CSMD1: variants seen among roughly 807,000 people sequenced by gnomAD.
CSMD1 encodes the protein CUB and Sushi multiple domains 1.
In CSMD1, 213 loss-of-function variants were observed where a neutral mutation model predicts 417.5. The observed-to-expected ratio is 0.51, with a 90% CI of 0.46 to 0.57. The LOEUF (loss-of-function observed/expected upper bound fraction) is 0.57. Among genes scored for constraint, CSMD1 ranks in the 20% least tolerant of loss-of-function variants. The pLI, the probability that CSMD1 is intolerant of heterozygous loss-of-function variation, is 0.00. For synonymous variants in CSMD1, 2,862 were observed against 1,736.8 expected, an observed-to-expected ratio of 1.65 and a Z score of -16.11; for missense variants, 6,923 against 4,529.7, an observed-to-expected ratio of 1.53 and a Z score of -15.17.
At chr8:4,436,129 A>G (rs772897304) in intron 2 of CSMD1, among the ~76,000 whole-genome samples, 1 of 152,190 alleles carries the variant, frequency 6.6e-6, no homozygotes, top group African/African-American at 2.4e-5. Flanking sequence ...TCATTTCAGC[A>G]TAAAAAATAG....
At chr8:4,050,413 T>G (rs1424237052) in intron 3 of CSMD1, among the ~76,000 whole-genome samples, 2 of 152,144 alleles carry the variant, frequency 1.3e-5, no homozygotes, top group African/African-American at 4.8e-5. Flanking sequence ...AAATTTTATT[T>G]AATTTTTGTT....
chr8:4,207,381 C>G (rs1206242709), intron 3 of CSMD1, among the ~76,000 whole-genome samples: 1 of 152,090 alleles, frequency 6.6e-6, no homozygotes, highest in African/African-American at 2.4e-5. Context: ...TAAATTCACA[C>G]ACTCATGGAA....
intron 12 of CSMD1, among the ~76,000 whole-genome samples, chr8:3,426,951 G>T (rs1270489891): frequency 1.3e-5 from 2 of 152,184 alleles, no homozygotes; most frequent in African/African-American, 2.4e-5. Flanking sequence ...GTGGTGGAAG[G>T]TAAAGGGGAA....
intron 18 of CSMD1, among the ~76,000 whole-genome samples, chr8:3,384,812 AATAT>A (rs1220703458): frequency 8.2e-6 from 1 of 122,506 alleles, no homozygotes; most frequent in Non-Finnish European, 1.6e-5. Context: ...TTTATATATA[AATAT>A]ATAATTAAAT....
At chr8:3,211,602 A>T (rs1271936631) in intron 30 of CSMD1, among the ~76,000 whole-genome samples, 1 of 152,178 alleles carries the variant, frequency 6.6e-6, no homozygotes, top group Non-Finnish European at 1.5e-5. Flanking sequence ...TTATCCTCCT[A>T]ACACTTGTGA....
chr8:3,972,826 C>G (rs1585057295), intron 5 of CSMD1, among the ~76,000 whole-genome samples: 1 of 152,144 alleles, frequency 6.6e-6, no homozygotes, highest in African/African-American at 2.4e-5. Flanking sequence ...GATATTCACA[C>G]ATATCTTTGA....
intron 26 of CSMD1, among the ~76,000 whole-genome samples, chr8:3,255,481 G>A (rs952254604): frequency 1.4e-4 from 21 of 152,210 alleles, no homozygotes; most frequent in African/African-American, 4.8e-4. Flanking sequence ...GCCTACAGAG[G>A]CAGGCAGGCC....
intron 10 of CSMD1, among the ~76,000 whole-genome samples, chr8:3,555,994 T>C: frequency 6.6e-6 from 1 of 152,180 alleles, no homozygotes; most frequent in East Asian, 1.9e-4. Flanking sequence ...ACTGGTGATT[T>C]CAATCCCATT....
At chr8:3,131,247 A>G (rs1395065643) in intron 41 of CSMD1, among the ~76,000 whole-genome samples, 1 of 152,176 alleles carries the variant, frequency 6.6e-6, no homozygotes, top group Non-Finnish European at 1.5e-5. Flanking sequence ...GGCAACTTCA[A>G]ACCATGGTGT....
intron 37 of CSMD1, among the ~76,000 whole-genome samples, chr8:3,165,633 C>A (rs143256061): frequency 6.6e-6 from 1 of 151,938 alleles, no homozygotes; most frequent in South Asian, 2.1e-4. Context: ...GGGGTTTCAC[C>A]ATGTTAGCCA....
At chr8:3,702,885 T>C (rs148388232) in intron 7 of CSMD1, among the ~76,000 whole-genome samples, 15 of 152,274 alleles carry the variant, frequency 9.9e-5, no homozygotes, top group Non-Finnish European at 1.8e-4. Flanking sequence ...ATTGAAATAA[T>C]CTACTTTCAG....
In CSMD1 at chr8:4,853,598, G is replaced by A. The variant is rs1026739775; in HGVS notation, c.85+140734C>T. Among the ~76,000 whole-genome samples, 4 of 152,188 alleles carry A rather than the reference G, an allele frequency of 2.6e-5. No homozygotes were observed. In the South Asian group the frequency reaches 8.3e-4, roughly 31 times the overall value. ...AGAGTCCCACACAGATATTTGAATAGGGCAGTGCCAAAGGGAAATGTGGCA... is the reference window on the plus strand; with the variant it reads ...AGAGTCCCACACAGATATTTGAATAAGGCAGTGCCAAAGGGAAATGTGGCA... On this transcript the variant is annotated intron_variant, in intron 1 of 69. Transcript: ENST00000635120.
chr8:3,292,093 T>G (rs1444652802), intron 25 of CSMD1, among the ~76,000 whole-genome samples: 1 of 152,228 alleles, frequency 6.6e-6, no homozygotes, highest in Non-Finnish European at 1.5e-5. Context: ...TACTCAGTAG[T>G]CATTCAGGAG....
intron 3 of CSMD1, among the ~76,000 whole-genome samples, chr8:4,105,773 G>C (rs938054099): frequency 1.3e-5 from 2 of 152,186 alleles, no homozygotes; most frequent in African/African-American, 2.4e-5. Context: ...TCACTGAAGA[G>C]GCTCCTCTAC....
At chr8:2,996,946 T>C (rs781683248) in intron 54 of CSMD1, among the ~76,000 whole-genome samples, 1 of 152,238 alleles carries the variant, frequency 6.6e-6, no homozygotes, top group African/African-American at 2.4e-5. Flanking sequence ...AAAGCTGTGA[T>C]TGAAGCAAGC....
intron 3 of CSMD1, among the ~76,000 whole-genome samples, chr8:4,107,867 G>A (rs1010079255): frequency 1.3e-5 from 2 of 152,130 alleles, no homozygotes; most frequent in African/African-American, 4.8e-5. Context: ...GGAAATAGAA[G>A]GAATTACTCA....
At position 3,772,364 on chromosome 8, in the gene CSMD1, C is replaced by CATATATTCATATATTTAT. The variant is rs1563064059; in HGVS notation, c.819-18323_819-18322insATAAATATATGAATATAT. Among the ~76,000 whole-genome samples the CATATATTCATATATTTAT allele has an allele frequency of 1.0e-4, 11 of 107,554 alleles. 1 individual carries two copies. The highest frequency in any genetic ancestry group is 2.4e-4 in the East Asian group (1 of 4,144). 70.6% of individuals were successfully genotyped at this position (107,554 alleles called of 152,430 possible). A position where few individuals can be genotyped will look rare whatever the true frequency, so the allele number is the denominator to read the frequency against. On this transcript the variant is annotated intron_variant, in intron 5 of 69. Coordinates refer to ENST00000635120, the MANE Select transcript of CSMD1 (RefSeq NM_033225.6). ...ACATATATACATATATTTATATATA[C>CATATATTCATATATTTAT]ATATATACATATATTCATATATTTA...
intron 10 of CSMD1, among the ~76,000 whole-genome samples, chr8:3,555,170 G>A (rs143359089): frequency 6.6e-6 from 1 of 151,998 alleles, no homozygotes; most frequent in Non-Finnish European, 1.5e-5. Context: ...AGCAGAATGG[G>A]GAGAAATGTG....
intron 12 of CSMD1, among the ~76,000 whole-genome samples, chr8:3,455,610 G>A (rs1020875334): frequency 2.0e-5 from 3 of 152,214 alleles, no homozygotes; most frequent in African/African-American, 7.2e-5. Context: ...ATCAGCAGCA[G>A]AGGCTGCAGA....
Sources: allele counts gnomAD v4.1 joint callset (sites outside exome capture counted in the v4.1 genomes callset), GRCh38; gene constraint gnomAD v4.1.1; transcripts MANE v1.5; gene names NCBI Gene and HGNC (gene_info 2026-07-23, HGNC 2026-07-21).